CDKL5: variants seen among roughly 807,000 people sequenced by gnomAD.
CDKL5 encodes cyclin-dependent kinase-like 5.
A neutral mutation model predicts 61.7 loss-of-function variants in CDKL5; 8 were observed. The observed-to-expected ratio is 0.13, with a 90% CI of 0.08 to 0.23. The LOEUF (loss-of-function observed/expected upper bound fraction) is 0.23. CDKL5 is among the 10% of genes least tolerant of loss of function. The pLI is 1.00. For synonymous variants in CDKL5, 275 were observed against 272.3 expected (o/e 1.01, Z -0.10); for missense variants, 440 against 734.5 (o/e 0.60, Z 4.63).
At chrX:18,608,993 C>T in intron 13 of CDKL5, 81 bp downstream of exon 13, 1 of 670,492 alleles carries the variant, frequency 1.5e-6, no homozygotes, top group Non-Finnish European at 2.4e-6. Context: ...AATACCCAGT[C>T]TCCCACAAAT....
chrX:18,466,360 C>A (rs1920961383), intron 1 of CDKL5, among the ~76,000 whole-genome samples: 1 of 111,793 alleles, frequency 8.9e-6, no homozygotes, highest in Non-Finnish European at 1.9e-5. Flanking sequence ...GATTTATAAG[C>A]AAATCTTATG....
intron 20 of CDKL5, among the ~76,000 whole-genome samples, chrX:18,646,768 C>T (rs1273692613): frequency 9.0e-6 from 1 of 111,525 alleles, no homozygotes; most frequent in African/African-American, 3.3e-5. Flanking sequence ...CGCCTCTTCC[C>T]CTCCCTCACC....
intron 3 of CDKL5, among the ~76,000 whole-genome samples, chrX:18,512,627 G>A (rs890428533): frequency 9.1e-6 from 1 of 110,262 alleles, no homozygotes; most frequent in Non-Finnish European, 1.9e-5. Flanking sequence ...AAAATGGTTC[G>A]AATACTATTG....
intron 1 of CDKL5, among the ~76,000 whole-genome samples, chrX:18,456,052 CTTT>C (rs548003382): frequency 9.8e-6 from 1 of 102,490 alleles, no homozygotes. Flanking sequence ...TTCTTTCTTT[CTTT>C]TTTTTTTTTT....
Position 18,625,161 on chromosome X carries a change from T to C in CDKL5, c.2410T>C (p.Leu804=). Residue 804 remains leucine, a synonymous_variant, in exon 17 of 18, where the codon TTG becomes CTG. Transcript: ENST00000623535. ...TTCCGACAGCCCTGATCTTCTGACG[T>C]TGCAGAAATCCATTCATTCTGCTAG... ...PNSDSPDLLT[L]QKSIHSASTP... 2 of 1,207,935 alleles carry C rather than the reference T, an allele frequency of 1.7e-6. No homozygotes were observed. Among genetic ancestry groups the C allele is most frequent in the Non-Finnish European group, 2.2e-6 (2 of 893,244 alleles).
At chrX:18,439,974 C>A in intron 1 of CDKL5, among the ~76,000 whole-genome samples, 1 of 110,362 alleles carries the variant, frequency 9.1e-6, no homozygotes, top group East Asian at 2.8e-4. Flanking sequence ...TAATTTGACC[C>A]TTCAGTGACC....
intron 1 of CDKL5, among the ~76,000 whole-genome samples, chrX:18,500,995 C>T (rs1264362046): frequency 9.0e-6 from 1 of 110,778 alleles, no homozygotes; most frequent in African/African-American, 3.3e-5. Flanking sequence ...CCCACCATCA[C>T]ACCCGGCTAA....
At chrX:18,529,970 A>C (rs931526947) in intron 3 of CDKL5, among the ~76,000 whole-genome samples, 2 of 111,079 alleles carry the variant, frequency 1.8e-5, no homozygotes, top group Admixed American at 1.9e-4. Context: ...TTCGTATTCC[A>C]ATTACATATG....
At chrX:18,608,542 TG>T (rs1050168710) in intron 12 of CDKL5, among the ~76,000 whole-genome samples, 2 of 111,678 alleles carry the variant, frequency 1.8e-5, no homozygotes, top group African/African-American at 6.5e-5. Context: ...TAATTTTTTT[TG>T]TTTTTAATAA....
intron 3 of CDKL5, among the ~76,000 whole-genome samples, chrX:18,538,525 C>A (rs1449011368): frequency 9.0e-6 from 1 of 110,831 alleles, no homozygotes; most frequent in African/African-American, 3.3e-5. Context: ...TAAAGATTTT[C>A]TCCTTTGGTT....
At chrX:18,500,870 C>T (rs182000844) in intron 1 of CDKL5, among the ~76,000 whole-genome samples, 1 of 110,694 alleles carries the variant, frequency 9.0e-6, no homozygotes, top group East Asian at 2.8e-4. Context: ...ACCGACTCTC[C>T]TTCTGTTGCC....
At position 18,635,453 on chromosome X, in the gene CDKL5, C is replaced by T. The variant is rs960754650; in HGVS notation, c.*6696C>T. 10 of 752,126 alleles carry T rather than the reference C, an allele frequency of 1.3e-5. No individual in the cohort carries two copies. Among genetic ancestry groups the T allele is most frequent in the East Asian group, 3.0e-4 (2 of 6,610 alleles). The allele number at this position is 752,126 out of a possible 1,213,427, so 62.0% of individuals were successfully genotyped here. ...ACTGTGGTCCTTCGTGTTTGAACTG[C>T]GAACAGCTCCATTTTAGTTCCTTCT... On this transcript the variant is annotated 3_prime_UTR_variant, in exon 18 of 18. Transcript: ENST00000623535.
In CDKL5 at chrX:18,636,240, A is replaced by G; in HGVS notation, c.*7483A>G. On this transcript the variant is annotated 3_prime_UTR_variant, in exon 18 of 18. Coordinates refer to ENST00000623535, the MANE Select transcript of CDKL5 (RefSeq NM_001323289.2). ...AAACTTGTGGCCTGTGCTTTCAACTATAATCTTACCAAGACTGAATGAAAG... is the reference window on the plus strand; with the variant it reads ...AAACTTGTGGCCTGTGCTTTCAACTGTAATCTTACCAAGACTGAATGAAAG... 9.0e-6 allele frequency: 1 copy of G among 110,711 alleles called. No homozygotes were observed. Among genetic ancestry groups the G allele is most frequent in the African/African-American group, 3.3e-5 (1 of 30,498 alleles). 9.1% of individuals were successfully genotyped at this position (110,711 alleles called of 1,213,427 possible).
intron 3 of CDKL5, chrX:18,536,109 C>T (rs1923816583): frequency 8.9e-6 from 1 of 112,159 alleles, no homozygotes; most frequent in Non-Finnish European, 1.9e-5. Flanking sequence ...TCCTGCAGAG[C>T]CAGTAGTCAT....
intron 14 of CDKL5, among the ~76,000 whole-genome samples, chrX:18,610,104 C>A (rs1366556322): frequency 2.0e-5 from 2 of 97,881 alleles, no homozygotes; most frequent in Non-Finnish European, 4.1e-5. Flanking sequence ...CCCTATCACT[C>A]ACCTGTTGAG....
At chrX:18,534,809 A>G (rs116050419) in intron 3 of CDKL5, among the ~76,000 whole-genome samples, 2,696 of 111,983 alleles carry the variant, frequency 0.024, 83 homozygotes, top group African/African-American at 0.082. Flanking sequence ...TATTATAGGT[A>G]TATGTACATC....
intron 3 of CDKL5, among the ~76,000 whole-genome samples, chrX:18,536,755 T>G (rs1923853902): frequency 9.1e-6 from 1 of 110,301 alleles, no homozygotes; most frequent in African/African-American, 3.3e-5. Context: ...CTCAATAAAG[T>G]TTTAAGAAAG....
At chrX:18,648,683 C>T (rs932176336) in intron 20 of CDKL5, among the ~76,000 whole-genome samples, 1 of 112,112 alleles carries the variant, frequency 8.9e-6, no homozygotes, top group African/African-American at 3.2e-5. Flanking sequence ...ATAAAGACTG[C>T]CTGCTGGGAT....
chrX:18,597,724 G>A (rs1278512473), intron 10 of CDKL5, among the ~76,000 whole-genome samples: 1 of 106,773 alleles, frequency 9.4e-6, no homozygotes, highest in Non-Finnish European at 1.9e-5. Flanking sequence ...AGCCTCCTGA[G>A]TAGCTGGGAT....
Sources: gnomAD v4.1 joint callset for allele counts (sites outside exome capture counted in the v4.1 genomes callset) on GRCh38, gnomAD v4.1.1 for gene constraint, MANE v1.5 for transcripts, NCBI Gene and HGNC (gene_info 2026-07-23, HGNC 2026-07-21) for gene names.